Variants in VWC2 observed in about 807,000 individuals in gnomAD.
The protein encoded by VWC2 is von Willebrand factor C domain containing 2.
A neutral mutation model predicts 29.8 loss-of-function variants in VWC2; 14 were observed. The observed-to-expected ratio is 0.47, with a 90% CI of 0.31 to 0.74. The LOEUF (loss-of-function observed/expected upper bound fraction) is 0.74. VWC2 is among the 30% of genes least tolerant of loss of function. VWC2 has a pLI of 0.05. For missense variants in VWC2, 457 were observed against 459.8 expected (o/e 0.99, Z 0.05); for synonymous variants, 213 against 199.0 (o/e 1.07, Z -0.59).
chr7:49,848,423 C>G (rs1383022527), intron 3 of VWC2, among the ~76,000 whole-genome samples: 1 of 152,204 alleles, frequency 6.6e-6, no homozygotes, highest in African/African-American at 2.4e-5. Flanking sequence ...CCCGGACCAG[C>G]TGTGCATCCC....
intron 3 of VWC2, among the ~76,000 whole-genome samples, chr7:49,813,026 T>C (rs1789048134): frequency 2.0e-5 from 3 of 152,184 alleles, no homozygotes; most frequent in Non-Finnish European, 4.4e-5. Context: ...CTCAGTTCCT[T>C]GTGCATAACG....
intron 3 of VWC2, among the ~76,000 whole-genome samples, chr7:49,892,229 G>A (rs1404639598): frequency 6.6e-6 from 1 of 151,322 alleles, no homozygotes; most frequent in African/African-American, 2.4e-5. Flanking sequence ...TGTATTTTTA[G>A]TAGAGACGGG....
intron 3 of VWC2, among the ~76,000 whole-genome samples, chr7:49,885,209 G>A (rs1307835626): frequency 6.6e-6 from 1 of 152,074 alleles, no homozygotes; most frequent in East Asian, 1.9e-4. Context: ...TAGTTCCAGA[G>A]AAGTTTTAAT....
chr7:49,778,343 G>A (rs570274094), intron 2 of VWC2, among the ~76,000 whole-genome samples: 65 of 152,318 alleles, frequency 4.3e-4, no homozygotes, highest in Non-Finnish European at 3.2e-4. Context: ...AATATTAAGT[G>A]CATCTTCCAT....
intron 2 of VWC2, among the ~76,000 whole-genome samples, chr7:49,779,585 ATT>A (rs11454792): frequency 6.8e-6 from 1 of 147,856 alleles, no homozygotes; most frequent in Non-Finnish European, 1.5e-5. Context: ...CTATTGGCTT[ATT>A]TTTTTTTTTC....
intron 3 of VWC2, among the ~76,000 whole-genome samples, chr7:49,853,054 G>A (rs572118980): frequency 1.2e-3 from 185 of 152,356 alleles, no homozygotes; most frequent in Non-Finnish European, 2.2e-3. Flanking sequence ...GGACAGAAGC[G>A]GAGGCCACAG....
intron 3 of VWC2, among the ~76,000 whole-genome samples, chr7:49,907,367 A>G (rs1793160502): frequency 6.6e-6 from 1 of 152,192 alleles, no homozygotes; most frequent in South Asian, 2.1e-4. Context: ...GTGACTTTTG[A>G]GCAAAATATG....
chr7:49,905,915 C>A (rs1009536311), intron 3 of VWC2, among the ~76,000 whole-genome samples: 3 of 152,218 alleles, frequency 2.0e-5, no homozygotes, highest in African/African-American at 7.2e-5. Context: ...CCCACCAGCA[C>A]CATGACAGTT....
chr7:49,894,834 G>A (rs1043815522), intron 3 of VWC2, among the ~76,000 whole-genome samples: 2 of 152,212 alleles, frequency 1.3e-5, no homozygotes, highest in African/African-American at 2.4e-5. Flanking sequence ...TCTGTTCAGC[G>A]CTAAGTGCAA....
intron 2 of VWC2, among the ~76,000 whole-genome samples, chr7:49,796,760 A>G (rs1788600344): frequency 6.6e-6 from 1 of 152,248 alleles, no homozygotes; most frequent in Admixed American, 6.5e-5. Context: ...ATGAAATTAA[A>G]CAAGGCAAAG....
At chr7:49,810,606 A>C (rs528744923) in intron 3 of VWC2, among the ~76,000 whole-genome samples, 7 of 152,194 alleles carry the variant, frequency 4.6e-5, no homozygotes, top group Non-Finnish European at 8.8e-5. Flanking sequence ...GAAAATTTGT[A>C]CTATCCCACT....
At chr7:49,814,347 C>T (rs528806226) in intron 3 of VWC2, among the ~76,000 whole-genome samples, 10 of 152,116 alleles carry the variant, frequency 6.6e-5, no homozygotes, top group South Asian at 2.1e-4. Context: ...GATAGTACTC[C>T]GATCTTTTCA....
chr7:49,829,548 G>A (rs1279872772), intron 3 of VWC2, among the ~76,000 whole-genome samples: 1 of 152,198 alleles, frequency 6.6e-6, no homozygotes, highest in African/African-American at 2.4e-5. Context: ...TCATGGGAAA[G>A]GGCTGATGTT....
rs1793775869 is a variant in VWC2, at chr7:49,917,316, T to G, written c.*5131T>G. ...TCTAGCCTTAACACAAAGATTTGGCTAATTTTTAAATGAACAAATCCCATT... is the reference window on the plus strand; with the variant it reads ...TCTAGCCTTAACACAAAGATTTGGCGAATTTTTAAATGAACAAATCCCATT... On this transcript the variant is annotated 3_prime_UTR_variant, in exon 4 of 4. Transcript: ENST00000340652. 6.6e-6 allele frequency: 1 copy of G among 152,208 alleles called. No individual in the cohort carries two copies. The allele number at this position is 152,208 out of a possible 1,614,324, so 9.4% of individuals were successfully genotyped here.
chr7:49,888,349 C>A (rs916840246), intron 3 of VWC2, among the ~76,000 whole-genome samples: 6 of 152,152 alleles, frequency 3.9e-5, no homozygotes, highest in Non-Finnish European at 8.8e-5. Context: ...TAGATGATCA[C>A]TGATTTTCCT....
intron 3 of VWC2, among the ~76,000 whole-genome samples, chr7:49,902,777 AT>A (rs1263783625): frequency 6.6e-6 from 1 of 152,066 alleles, no homozygotes; most frequent in South Asian, 2.1e-4. Context: ...GAAATATAAA[AT>A]TTTTTTGAAA....
intron 3 of VWC2, chr7:49,901,301 G>A (rs1029890905): frequency 2.0e-4 from 30 of 151,656 alleles, no homozygotes; most frequent in Admixed American, 2.0e-3. Context: ...ATGACATGAT[G>A]GTCTGTGTAG....
At chr7:49,865,192 G>A (rs1042868963) in intron 3 of VWC2, among the ~76,000 whole-genome samples, 1 of 152,222 alleles carries the variant, frequency 6.6e-6, no homozygotes. Context: ...AGAATGTGCA[G>A]TTCAGTTGTT....
chr7:49,792,549 G>A (rs1020314658), intron 2 of VWC2, among the ~76,000 whole-genome samples: 1 of 152,200 alleles, frequency 6.6e-6, no homozygotes, highest in Non-Finnish European at 1.5e-5. Context: ...AAAAAGGACT[G>A]GCTGGGGATG....
Sources: allele counts gnomAD v4.1 joint callset (sites outside exome capture counted in the v4.1 genomes callset), GRCh38; gene constraint gnomAD v4.1.1; transcripts MANE v1.5; gene names NCBI Gene and HGNC (gene_info 2026-07-23, HGNC 2026-07-21).